Variants in HOMER1 observed in about 807,000 individuals in gnomAD.
The protein encoded by HOMER1 is homer protein homolog 1.
In HOMER1, 3 loss-of-function variants were observed where a neutral mutation model predicts 48.9. That is an observed-to-expected ratio of 0.06 (90% CI 0.03 to 0.16). HOMER1 has a LOEUF of 0.16. HOMER1 is among the 10% of genes least tolerant of loss of function. The probability of loss-of-function intolerance (pLI) is 1.00; values close to 1 mark genes in which losing one functional copy is unlikely to be tolerated. For missense variants in HOMER1, 247 were observed against 411.4 expected, an observed-to-expected ratio of 0.60 and a Z score of 3.46; for synonymous variants, 134 against 146.4, an observed-to-expected ratio of 0.92 and a Z score of 0.61.
intron 5 of HOMER1, 90 bp downstream of exon 5, chr5:79,438,920 C>A: frequency 1.3e-5 from 13 of 966,724 alleles, no homozygotes; most frequent in Admixed American, 2.4e-5. Context: ...GGAGTTTTCA[C>A]TCAAAGCTTG....
chr5:79,372,982 T>G lies in HOMER1; in HGVS notation c.*3027A>C, dbSNP rs1266772399. ...CAAATCTATGATGGTGCTGGAGATC[T>G]TCTATAGAGACAAGGAGAGATGCAA... is the stretch of plus-strand genomic sequence containing the variant. On this transcript the variant is annotated 3_prime_UTR_variant, in exon 9 of 9. Transcript: ENST00000334082. The G allele has an allele frequency of 6.6e-6, 1 of 152,134 alleles. No individual in the cohort carries two copies. The highest frequency in any genetic ancestry group is 2.4e-5 in the African/African-American group (1 of 41,454). The allele number at this position is 152,134 out of a possible 1,614,324, so 9.4% of individuals were successfully genotyped here.
At chr5:79,462,775 T>C (rs1399797519) in intron 1 of HOMER1, among the ~76,000 whole-genome samples, 1 of 152,246 alleles carries the variant, frequency 6.6e-6, no homozygotes, top group East Asian at 1.9e-4. Flanking sequence ...CAGTTACCAA[T>C]GAAGTCTATA....
chr5:79,411,437 A>G (rs767571242), intron 5 of HOMER1, among the ~76,000 whole-genome samples: 2 of 152,196 alleles, frequency 1.3e-5, no homozygotes, highest in Admixed American at 6.5e-5. Flanking sequence ...GTGAGTCAAG[A>G]TGGCACCACT....
At chr5:79,479,932 A>C (rs1211831773) in intron 1 of HOMER1, among the ~76,000 whole-genome samples, 1 of 152,246 alleles carries the variant, frequency 6.6e-6, no homozygotes, top group East Asian at 1.9e-4. Flanking sequence ...TATGTTTGCC[A>C]ACTGGGTATC....
At chr5:79,492,889 A>G (rs992898243) in intron 1 of HOMER1, among the ~76,000 whole-genome samples, 8 of 150,622 alleles carry the variant, frequency 5.3e-5, no homozygotes, top group Non-Finnish European at 1.0e-4. Context: ...AGCAGAATGA[A>G]GAAAACGAAA....
chr5:79,507,714 A>G (rs1752818537), intron 1 of HOMER1, among the ~76,000 whole-genome samples: 1 of 151,322 alleles, frequency 6.6e-6, no homozygotes, highest in Admixed American at 6.6e-5. Flanking sequence ...AAAGACTGAA[A>G]AAAAAAAAAA....
intron 1 of HOMER1, among the ~76,000 whole-genome samples, chr5:79,469,428 C>T (rs991258993): frequency 3.9e-5 from 6 of 152,120 alleles, no homozygotes; most frequent in African/African-American, 1.2e-4. Context: ...TTGGAAGTGA[C>T]TCTAACTTTC....
chr5:79,448,471 C>T (rs925030410), intron 3 of HOMER1, among the ~76,000 whole-genome samples: 2 of 152,078 alleles, frequency 1.3e-5, no homozygotes, highest in Non-Finnish European at 1.5e-5. Context: ...TAACAAAATA[C>T]AGCTTAGTAA....
At chr5:79,411,018 C>T (rs999510968) in intron 5 of HOMER1, among the ~76,000 whole-genome samples, 1 of 152,186 alleles carries the variant, frequency 6.6e-6, no homozygotes, top group Non-Finnish European at 1.5e-5. Flanking sequence ...CGTCTCAACG[C>T]TGGAGTAAGG....
chr5:79,421,220 G>C (rs1183825373), intron 5 of HOMER1, among the ~76,000 whole-genome samples: 2 of 152,180 alleles, frequency 1.3e-5, no homozygotes, highest in Non-Finnish European at 2.9e-5. Flanking sequence ...CTACTTCCAA[G>C]AAATGACTTT....
intron 3 of HOMER1, among the ~76,000 whole-genome samples, chr5:79,450,305 T>C (rs1750995910): frequency 6.6e-6 from 1 of 152,222 alleles, no homozygotes; most frequent in Non-Finnish European, 1.5e-5. Flanking sequence ...AGATTGTTTT[T>C]TCTTATATAT....
rs1422991078 is a variant in HOMER1 at position 79,461,339 on chromosome 5, A to G, written c.6-4321T>C. On this transcript the variant is annotated intron_variant, in intron 1 of 8. Coordinates refer to ENST00000334082, the MANE Select transcript of HOMER1 (RefSeq NM_004272.5). ...GGTATCAAAGTTAATATCTTTTCAT[A>G]AACTGTATAAAACTCATAAATAAAG... is the stretch of plus-strand genomic sequence containing the variant. Among the ~76,000 whole-genome samples, 6 of 152,180 alleles carry G rather than the reference A, an allele frequency of 3.9e-5. No homozygotes were observed. In the East Asian group the frequency reaches 7.7e-4, roughly 20 times the overall value.
At chr5:79,511,579 C>T (rs1752943648) in intron 1 of HOMER1, among the ~76,000 whole-genome samples, 1 of 152,194 alleles carries the variant, frequency 6.6e-6, no homozygotes, top group African/African-American at 2.4e-5. Context: ...ATTTTAATTA[C>T]TCTTAGCGGT....
At chr5:79,425,033 T>G (rs950087731) in intron 5 of HOMER1, among the ~76,000 whole-genome samples, 3 of 152,090 alleles carry the variant, frequency 2.0e-5, no homozygotes, top group African/African-American at 7.2e-5. Context: ...CTACTTCTTT[T>G]GACTCTTCCA....
At chr5:79,421,778 TG>T (rs1750107317) in intron 5 of HOMER1, among the ~76,000 whole-genome samples, 1 of 152,056 alleles carries the variant, frequency 6.6e-6, no homozygotes, top group Non-Finnish European at 1.5e-5. Flanking sequence ...CTAATTTTTT[TG>T]TATTTTTTAG....
intron 2 of HOMER1, among the ~76,000 whole-genome samples, chr5:79,453,081 GT>G (rs1751072745): frequency 6.6e-6 from 1 of 152,198 alleles, no homozygotes; most frequent in Non-Finnish European, 1.5e-5. Context: ...GGAAATTACA[GT>G]CTAGAATAAA....
At chr5:79,504,164 T>A (rs895985487) in intron 1 of HOMER1, among the ~76,000 whole-genome samples, 1 of 152,084 alleles carries the variant, frequency 6.6e-6, no homozygotes, top group Admixed American at 6.6e-5. Context: ...TTTTTTTTTT[T>A]AAATCAACAG....
intron 1 of HOMER1, among the ~76,000 whole-genome samples, chr5:79,503,885 T>C (rs774188201): frequency 2.0e-5 from 3 of 152,098 alleles, no homozygotes; most frequent in Non-Finnish European, 4.4e-5. Context: ...GTCTCAGGGG[T>C]GACAGCAGTG....
In HOMER1 at chr5:79,447,138, T is replaced by A; in HGVS notation, c.302A>T (p.Glu101Val). The change falls in exon 4 of 9, where the codon GAA (glutamate) becomes GTA (valine). Residue 101 changes from glutamate (E) to valine (V), a missense_variant. By Grantham distance (121) the Glu-to-Val change is moderately radical. Around this residue, in one of 4 missense-constraint regions of HOMER1, gnomAD observed 94 missense variants for 112.4 expected, o/e 0.84. Transcript: ENST00000334082. ...SSEHHLSKFA[E>V]KFQEFKEAAR... ...AGCTTCTTTAAATTCCTGAAACTTT[T>A]CTGCAAACTGAATGTATAGAGACTA... The A allele has an allele frequency of 1.2e-6, 2 of 1,609,000 alleles. No homozygotes were observed. Among genetic ancestry groups the A allele is most frequent in the Non-Finnish European group, 1.7e-6 (2 of 1,175,972 alleles).
Sources: gnomAD v4.1 joint callset for allele counts (sites outside exome capture counted in the v4.1 genomes callset) on GRCh38, gnomAD v4.1.1 for gene constraint, gnomAD v4.1.1 regional missense constraint, MANE v1.5 for transcripts, NCBI Gene and HGNC (gene_info 2026-07-23, HGNC 2026-07-21) for gene names.